SAMD5: variants seen among roughly 807,000 people sequenced by gnomAD.
SAMD5 encodes sterile alpha motif domain-containing protein 5.
In SAMD5, 13 loss-of-function variants were observed where a neutral mutation model predicts 11.3. That is an observed-to-expected ratio of 1.15 (90% confidence interval 0.75 to 1.83). The LOEUF (loss-of-function observed/expected upper bound fraction) is 1.83, where lower values mean the gene tolerates loss of function less well. Among genes scored for constraint, SAMD5 ranks in the 40% most tolerant of loss-of-function variants. The probability of loss-of-function intolerance (pLI) is 0.00; values close to 1 mark genes in which losing one functional copy is unlikely to be tolerated. For synonymous variants in SAMD5, 129 were observed against 111.3 expected (o/e 1.16, Z -1.00); for missense variants, 255 against 239.1 (o/e 1.07, Z -0.44).
intron 1 of SAMD5, among the ~76,000 whole-genome samples, chr6:147,548,234 T>A (rs1788716352): frequency 6.6e-6 from 1 of 152,194 alleles, no homozygotes; most frequent in Non-Finnish European, 1.5e-5. Context: ...AGGATAATGT[T>A]GCTAACTATT....
chr6:147,827,370 A>G, the SAMD5 span, among the ~76,000 whole-genome samples: 633 of 152,296 alleles, frequency 4.2e-3, 1 homozygote, highest in African/African-American at 0.014. Context: ...GGCATAGTGA[A>G]ATGATAAACT....
At chr6:147,525,151 T>A (rs538571715) in intron 1 of SAMD5, among the ~76,000 whole-genome samples, 24 of 149,866 alleles carry the variant, frequency 1.6e-4, no homozygotes, top group African/African-American at 5.6e-4. Flanking sequence ...GATTTTTATT[T>A]AAAAAAAAAG....
intron 1 of SAMD5, among the ~76,000 whole-genome samples, chr6:147,510,735 G>A (rs1041278801): frequency 6.6e-6 from 1 of 152,194 alleles, no homozygotes; most frequent in Non-Finnish European, 1.5e-5. Flanking sequence ...CAGATCACCT[G>A]CTTGACCATG....
intron 1 of SAMD5, among the ~76,000 whole-genome samples, chr6:147,703,902 T>C (rs78696674): frequency 0.014 from 2,146 of 152,222 alleles, 56 homozygotes; most frequent in African/African-American, 0.049. Context: ...TTATTATTTA[T>C]TTATTTATTT....
At chr6:147,523,599 T>C (rs1193784053) in intron 1 of SAMD5, among the ~76,000 whole-genome samples, 1 of 152,134 alleles carries the variant, frequency 6.6e-6, no homozygotes, top group African/African-American at 2.4e-5. Context: ...TTGACAAAAA[T>C]AGTACTGTGT....
At chr6:147,829,491 A>G in the SAMD5 span, among the ~76,000 whole-genome samples, 1 of 152,196 alleles carries the variant, frequency 6.6e-6, no homozygotes, top group African/African-American at 2.4e-5. Context: ...TTTTTTTCTG[A>G]AATGATTGCT....
intron 1 of SAMD5, among the ~76,000 whole-genome samples, chr6:147,534,918 T>G (rs1190253748): frequency 6.6e-6 from 1 of 152,234 alleles, no homozygotes; most frequent in East Asian, 1.9e-4. Context: ...GTTACTGTCT[T>G]TGTTTAAACC....
At chr6:147,616,213 C>CATATATATTTATTCATATATAA (rs1562334314) in intron 1 of SAMD5, among the ~76,000 whole-genome samples, 4 of 66,560 alleles carry the variant, frequency 6.0e-5, no homozygotes, top group South Asian at 5.8e-4. Flanking sequence ...TTCATATATA[C>CATATATATTTATTCATATATAA]TTCATATATA....
intron 1 of SAMD5, among the ~76,000 whole-genome samples, chr6:147,545,256 A>C (rs1788667258): frequency 6.6e-6 from 1 of 152,206 alleles, no homozygotes; most frequent in Admixed American, 6.5e-5. Context: ...GATAATAGTA[A>C]ATTTGAAGCA....
chr6:147,785,946 T>C, the SAMD5 span, among the ~76,000 whole-genome samples: 3 of 152,210 alleles, frequency 2.0e-5, no homozygotes, highest in Non-Finnish European at 4.4e-5. Flanking sequence ...TTGTAGTCCA[T>C]GCTACATGGA....
intron 1 of SAMD5, among the ~76,000 whole-genome samples, chr6:147,524,798 T>C (rs1232158753): frequency 6.6e-6 from 1 of 152,192 alleles, no homozygotes; most frequent in Non-Finnish European, 1.5e-5. Flanking sequence ...TTGAAATATG[T>C]CAAATCACAA....
In SAMD5 at chr6:147,565,231, G is replaced by A; in HGVS notation, c.*775G>A. The stretch of plus-strand genomic sequence containing the variant: ...TTCTTGCACTCTGTGGAGACTGCCA[G>A]GGCCGCAGCTCACAGCCTGTTCTGA... On this transcript the variant is annotated 3_prime_UTR_variant, in exon 2 of 2. Coordinates refer to ENST00000367474, the MANE Select transcript of SAMD5 (RefSeq NM_001030060.3). 1 of 985,874 alleles carries A rather than the reference G, an allele frequency of 1.0e-6. No individual in the cohort carries two copies. The highest frequency in any genetic ancestry group is 1.2e-6 in the Non-Finnish European group (1 of 829,978). The allele number at this position is 985,874 out of a possible 1,614,324, so 61.1% of individuals were successfully genotyped here.
the SAMD5 span, among the ~76,000 whole-genome samples, chr6:147,838,774 G>T: frequency 4.6e-5 from 7 of 152,096 alleles, no homozygotes; most frequent in African/African-American, 1.7e-4. Context: ...ATTAGAACTT[G>T]TGAGGCATAC....
At chr6:147,658,121 G>A (rs540286673) in intron 1 of SAMD5, among the ~76,000 whole-genome samples, 1 of 152,224 alleles carries the variant, frequency 6.6e-6, no homozygotes, top group South Asian at 2.1e-4. Flanking sequence ...CAAAGGAATA[G>A]TGTAAAACTT....
the SAMD5 span, among the ~76,000 whole-genome samples, chr6:147,771,982 A>T: frequency 1.3e-5 from 2 of 152,174 alleles, no homozygotes; most frequent in African/African-American, 2.4e-5. Flanking sequence ...TTGGATTTAG[A>T]CACTTGAAAG....
intron 1 of SAMD5, among the ~76,000 whole-genome samples, chr6:147,636,712 T>C (rs1790235377): frequency 6.6e-6 from 1 of 152,136 alleles, no homozygotes; most frequent in African/African-American, 2.4e-5. Flanking sequence ...CTCAAATTAC[T>C]TAACTTTTCT....
At chr6:147,689,439 T>C (rs1791067910) in intron 1 of SAMD5, among the ~76,000 whole-genome samples, 1 of 152,220 alleles carries the variant, frequency 6.6e-6, no homozygotes, top group Non-Finnish European at 1.5e-5. Flanking sequence ...TATCCTTATA[T>C]GTAAAATGGT....
the SAMD5 span, among the ~76,000 whole-genome samples, chr6:147,913,278 C>T: frequency 8.5e-5 from 13 of 152,222 alleles, no homozygotes; most frequent in African/African-American, 2.6e-4. Flanking sequence ...TCCTCAGTAT[C>T]GGGCAGATAG....
At chr6:147,516,958 A>C (rs1209745146) in intron 1 of SAMD5, among the ~76,000 whole-genome samples, 1 of 152,230 alleles carries the variant, frequency 6.6e-6, no homozygotes, top group Admixed American at 6.5e-5. Context: ...TCTTGGTTGT[A>C]GGAAAAGCCA....
Sources: gnomAD v4.1 joint callset for allele counts (sites outside exome capture counted in the v4.1 genomes callset) on GRCh38, gnomAD v4.1.1 for gene constraint, MANE v1.5 for transcripts, NCBI Gene and HGNC (gene_info 2026-07-23, HGNC 2026-07-21) for gene names.